The following PALM2AKAP2 variants were observed in gnomAD, a reference collection of about 807,000 sequenced individuals.
The protein encoded by PALM2AKAP2 is PALM2 and AKAP2 fusion.
Under a neutral mutation model 71.5 loss-of-function variants are expected in PALM2AKAP2, and 37 were observed. The ratio of observed to expected loss-of-function variants is 0.52; its 90% CI spans 0.40 to 0.68. PALM2AKAP2 has a LOEUF of 0.68. Among genes scored for constraint, PALM2AKAP2 ranks in the 30% least tolerant of loss-of-function variants. PALM2AKAP2 has a pLI of 0.00. For synonymous variants in PALM2AKAP2, 468 were observed against 478.8 expected, an observed-to-expected ratio of 0.98 and a Z score of 0.29; for missense variants, 1,224 against 1,191.8, an observed-to-expected ratio of 1.03 and a Z score of -0.40.
intron 2 of PALM2AKAP2, among the ~76,000 whole-genome samples, chr9:110,148,068 G>T (rs573866554): frequency 2.6e-5 from 4 of 152,168 alleles, no homozygotes; most frequent in Middle Eastern, 3.4e-3. Context: ...TTTTCCTTCT[G>T]GGGGGAGGTA....
At chr9:110,098,791 A>G (rs540073851) in intron 1 of PALM2AKAP2, among the ~76,000 whole-genome samples, 1 of 152,296 alleles carries the variant, frequency 6.6e-6, no homozygotes, top group African/African-American at 2.4e-5. Context: ...TTGGCATTCT[A>G]CTTCACCACC....
intron 7 of PALM2AKAP2, among the ~76,000 whole-genome samples, chr9:110,023,039 A>ACGTGT (rs1202521052): frequency 1.3e-5 from 2 of 152,052 alleles, no homozygotes; most frequent in Non-Finnish European, 2.9e-5. Context: ...CAATAAACAT[A>ACGTGT]CGTGTGCATG....
intron 1 of PALM2AKAP2, among the ~76,000 whole-genome samples, chr9:109,832,557 AG>A (rs1431053160): frequency 6.6e-6 from 1 of 152,240 alleles, no homozygotes; most frequent in Non-Finnish European, 1.5e-5. Context: ...TGCTGCTTTC[AG>A]AAGAAACAGT....
intron 6 of PALM2AKAP2, among the ~76,000 whole-genome samples, chr9:109,978,511 C>T (rs956533656): frequency 1.3e-5 from 2 of 152,170 alleles, no homozygotes; most frequent in African/African-American, 2.4e-5. Context: ...ATTTAAAGCT[C>T]CCTGAAAAGG....
At chr9:109,755,873 C>T (rs181148517) in intron 1 of PALM2AKAP2, among the ~76,000 whole-genome samples, 3 of 152,178 alleles carry the variant, frequency 2.0e-5, no homozygotes, top group Admixed American at 1.3e-4. Flanking sequence ...GAGTAATCAT[C>T]ATCAATACAT....
intron 1 of PALM2AKAP2, among the ~76,000 whole-genome samples, chr9:109,770,147 G>A (rs1442348650): frequency 6.6e-6 from 1 of 152,186 alleles, no homozygotes; most frequent in Non-Finnish European, 1.5e-5. Context: ...CTGGGTCGGA[G>A]TTGGCCAGAC....
chr9:110,151,637 A>G (rs1836317245), intron 2 of PALM2AKAP2, among the ~76,000 whole-genome samples: 1 of 152,228 alleles, frequency 6.6e-6, no homozygotes, highest in Admixed American at 6.5e-5. Flanking sequence ...GGAGTCAACC[A>G]AGTGAAGCCA....
At chr9:109,989,901 T>C (rs1230884854) in intron 6 of PALM2AKAP2, among the ~76,000 whole-genome samples, 1 of 152,182 alleles carries the variant, frequency 6.6e-6, no homozygotes, top group Non-Finnish European at 1.5e-5. Flanking sequence ...AATGCTGAAC[T>C]TCCACGTCAG....
intron 6 of PALM2AKAP2, among the ~76,000 whole-genome samples, chr9:109,963,435 A>C (rs1340674672): frequency 2.0e-5 from 3 of 152,158 alleles, no homozygotes; most frequent in African/African-American, 7.2e-5. Flanking sequence ...CCCATCCTAC[A>C]TTTCATCTTC....
chr9:109,955,372 GT>G (rs1831726838), intron 6 of PALM2AKAP2, among the ~76,000 whole-genome samples: 2 of 152,268 alleles, frequency 1.3e-5, no homozygotes, highest in African/African-American at 4.8e-5. Context: ...TTAACCTTAG[GT>G]TAAATGAACA....
chr9:109,738,557 A>T lies in PALM2AKAP2; in HGVS notation c.6-41931A>T, dbSNP rs1306226420. ...TAGCAATGGATGATTGAAAAATGAC[A>T]TTTAAAAACATTTCACTTACAGAAT... On this transcript the variant is annotated intron_variant, in intron 1 of 6. Transcript: ENST00000374531. Among the ~76,000 whole-genome samples the T allele has an allele frequency of 2.6e-5, 4 of 152,362 alleles. No homozygotes were observed. The East Asian group carries it at 7.7e-4, about 29-fold the overall frequency.
intron 7 of PALM2AKAP2, among the ~76,000 whole-genome samples, chr9:110,019,726 A>G (rs569683117): frequency 3.3e-5 from 5 of 152,326 alleles, no homozygotes; most frequent in South Asian, 2.1e-4. Context: ...GTTCTCCCTT[A>G]TAGGTGGGAA....
At chr9:109,771,646 G>T (rs573957239) in intron 1 of PALM2AKAP2, among the ~76,000 whole-genome samples, 1 of 152,134 alleles carries the variant, frequency 6.6e-6, no homozygotes, top group African/African-American at 2.4e-5. Flanking sequence ...CTCTCTGATC[G>T]CAGGAAAAGC....
chr9:110,136,411 G>A (rs1297141467), exon 2 of PALM2AKAP2: 18 of 1,614,058 alleles, frequency 1.1e-5, no homozygotes, highest in Non-Finnish European at 1.4e-5. Flanking sequence ...ATCTAGATGA[G>A]GTGCTAGAGG....
intron 1 of PALM2AKAP2, among the ~76,000 whole-genome samples, chr9:109,652,142 G>A (rs1004416852): frequency 2.1e-4 from 32 of 152,002 alleles, no homozygotes; most frequent in African/African-American, 7.3e-4. Context: ...TGAATAAATG[G>A]GTTATAAATT....
At chr9:110,002,919 T>A (rs1047640612) in intron 6 of PALM2AKAP2, among the ~76,000 whole-genome samples, 2 of 152,228 alleles carry the variant, frequency 1.3e-5, no homozygotes. Context: ...GATTCTTCTC[T>A]CTTTTCTTCT....
At chr9:109,679,466 T>C (rs989536411) in intron 1 of PALM2AKAP2, among the ~76,000 whole-genome samples, 1 of 152,220 alleles carries the variant, frequency 6.6e-6, no homozygotes, top group African/African-American at 2.4e-5. Flanking sequence ...AGAACCCATG[T>C]ATACCTTAGA....
intron 7 of PALM2AKAP2, among the ~76,000 whole-genome samples, chr9:110,018,221 T>C (rs531939980): frequency 6.6e-6 from 1 of 152,322 alleles, no homozygotes; most frequent in South Asian, 2.1e-4. Flanking sequence ...CAAGAAAAGA[T>C]TTCTTTTACC....
chr9:109,747,017 G>A (rs906590789), intron 1 of PALM2AKAP2, among the ~76,000 whole-genome samples: 2 of 152,154 alleles, frequency 1.3e-5, no homozygotes, highest in African/African-American at 4.8e-5. Context: ...TGGGTAAGAG[G>A]GTTGGAGGAA....
Sources: gnomAD v4.1 joint callset for allele counts (sites outside exome capture counted in the v4.1 genomes callset) on GRCh38, gnomAD v4.1.1 for gene constraint, MANE v1.5 for transcripts, NCBI Gene and HGNC (gene_info 2026-07-23, HGNC 2026-07-21) for gene names.